The following SLC5A1 variants were observed in gnomAD, a reference collection of about 807,000 sequenced individuals.
SLC5A1 encodes sodium/glucose cotransporter 1.
Under a neutral mutation model 73.5 loss-of-function variants are expected in SLC5A1, and 42 were observed. That is an observed-to-expected ratio of 0.57 (90% CI 0.45 to 0.74). The LOEUF (loss-of-function observed/expected upper bound fraction) is 0.74, where lower values mean the gene tolerates loss of function less well. Among genes scored for constraint, SLC5A1 ranks in the 30% least tolerant of loss-of-function variants. SLC5A1 has a pLI of 0.00. For missense variants in SLC5A1, 634 were observed against 855.4 expected, an observed-to-expected ratio of 0.74 and a Z score of 3.23; for synonymous variants, 300 against 317.4, an observed-to-expected ratio of 0.95 and a Z score of 0.58.
chr22:32,068,113 G>A, intron 4 of SLC5A1, 87 bp downstream of exon 4: 2 of 1,300,502 alleles, frequency 1.5e-6, no homozygotes, highest in South Asian at 1.2e-5. Flanking sequence ...GACATTATGG[G>A]ATAAATGGCA....
intron 3 of SLC5A1, among the ~76,000 whole-genome samples, chr22:32,067,255 T>A (rs926513392): frequency 2.0e-5 from 3 of 152,202 alleles, no homozygotes; most frequent in Non-Finnish European, 4.4e-5. Flanking sequence ...AGCAATAGTA[T>A]TTTTTCTGTT....
chr22:32,085,889 C>T (rs1350148315), intron 9 of SLC5A1, among the ~76,000 whole-genome samples: 1 of 152,090 alleles, frequency 6.6e-6, no homozygotes, highest in African/African-American at 2.4e-5. Context: ...CGCCTGTAAT[C>T]CCAGCACTTT....
rs1569305129 is a variant in SLC5A1, at chr22:32,068,495, G to C, written c.373-1G>C. 1 of 1,606,070 alleles carries C rather than the reference G, an allele frequency of 6.2e-7. No individual in the cohort carries two copies. Among genetic ancestry groups the C allele is most frequent in the Non-Finnish European group, 8.5e-7 (1 of 1,172,604 alleles). ...AGTGACCTCCCTCGCACCCCATGCA[G>C]GTGGTGACAATGCCAGAGTACCTGA... On this transcript the variant is annotated splice_acceptor_variant, in intron 4 of 14. Coordinates refer to ENST00000266088, the MANE Select transcript of SLC5A1 (RefSeq NM_000343.4). LOFTEE classifies it high-confidence loss of function.
chr22:32,089,059 C>A (rs5749354), intron 10 of SLC5A1, among the ~76,000 whole-genome samples: 1 of 152,200 alleles, frequency 6.6e-6, no homozygotes. Flanking sequence ...TGAATGGGGT[C>A]TGATAAGAGT....
At chr22:32,090,952 G>A (rs542206044) in intron 10 of SLC5A1, among the ~76,000 whole-genome samples, 1 of 152,130 alleles carries the variant, frequency 6.6e-6, no homozygotes, top group East Asian at 1.9e-4. Flanking sequence ...TGGGTACAAA[G>A]TTATTATCCC....
rs878887440 is a variant in SLC5A1, at chr22:32,110,285, T to C, written c.*72T>C. ...CTTCCTTTAGTCTCGTCCTGTGGTG[T>C]TGAAGGGAAATCAGCCAGTTGTAAA... On this transcript the variant is annotated 3_prime_UTR_variant, in exon 15 of 15. Coordinates refer to ENST00000266088, the MANE Select transcript of SLC5A1 (RefSeq NM_000343.4). 2.3e-5 allele frequency: 29 copies of C among 1,236,344 alleles called. No individual in the cohort carries two copies. Among genetic ancestry groups the C allele is most frequent in the East Asian group, 4.6e-5 (2 of 43,110 alleles). 76.6% of individuals were successfully genotyped at this position (1,236,344 alleles called of 1,614,324 possible). A position where few individuals can be genotyped will look rare whatever the true frequency, so the allele number is the denominator to read the frequency against.
intron 2 of SLC5A1, among the ~76,000 whole-genome samples, chr22:32,060,279 C>A (rs2093960321): frequency 6.6e-6 from 1 of 151,892 alleles, no homozygotes; most frequent in South Asian, 2.1e-4. Context: ...GCAACCTCTG[C>A]CTCCCAGGCT....
chr22:32,081,077 G>C (rs2093999104), intron 5 of SLC5A1, among the ~76,000 whole-genome samples: 1 of 152,092 alleles, frequency 6.6e-6, no homozygotes, highest in Non-Finnish European at 1.5e-5. Context: ...ACATGAACAT[G>C]CATTTGGGGT....
At chr22:32,070,385 G>A (rs1603118260) in intron 5 of SLC5A1, among the ~76,000 whole-genome samples, 1 of 150,944 alleles carries the variant, frequency 6.6e-6, no homozygotes, top group Non-Finnish European at 1.5e-5. Flanking sequence ...CCAGACTGGA[G>A]TGCATGGCAT....
chr22:32,074,481 G>A (rs772046113), intron 5 of SLC5A1, among the ~76,000 whole-genome samples: 5 of 152,090 alleles, frequency 3.3e-5, no homozygotes, highest in South Asian at 2.1e-4. Context: ...CCTTACCCTC[G>A]TCACCCTCCT....
intron 2 of SLC5A1, chr22:32,059,122 C>G (rs2093956344): frequency 3.0e-6 from 3 of 985,412 alleles, no homozygotes; most frequent in Non-Finnish European, 3.6e-6. Context: ...CCTGGAGTGC[C>G]TGAAATTCCT....
At chr22:32,105,671 T>C (rs2094044383) in intron 14 of SLC5A1, among the ~76,000 whole-genome samples, 1 of 152,182 alleles carries the variant, frequency 6.6e-6, no homozygotes, top group African/African-American at 2.4e-5. Context: ...AAATAGTAGG[T>C]TAGTCATTCT....
intron 1 of SLC5A1, among the ~76,000 whole-genome samples, chr22:32,048,577 C>T (rs1408126643): frequency 6.6e-6 from 1 of 152,212 alleles, no homozygotes; most frequent in African/African-American, 2.4e-5. Context: ...CACTGTTCGC[C>T]ATTCTCTCCT....
At chr22:32,044,973 A>G (rs2093935250) in intron 1 of SLC5A1, among the ~76,000 whole-genome samples, 1 of 152,222 alleles carries the variant, frequency 6.6e-6, no homozygotes, top group African/African-American at 2.4e-5. Flanking sequence ...AAGACAGGGA[A>G]GGCCAGAATG....
At chr22:32,046,544 G>A (rs78247456) in intron 1 of SLC5A1, among the ~76,000 whole-genome samples, 4 of 152,084 alleles carry the variant, frequency 2.6e-5, no homozygotes, top group South Asian at 2.1e-4. Context: ...GGGCTCAGAC[G>A]CGATGTCCTG....
At chr22:32,069,679 A>T (rs1434584754) in intron 5 of SLC5A1, among the ~76,000 whole-genome samples, 2 of 152,154 alleles carry the variant, frequency 1.3e-5, no homozygotes, top group African/African-American at 2.4e-5. Flanking sequence ...TTGTCAATTT[A>T]AAAAAGGGGG....
rs144778450 is a variant in SLC5A1 at position 32,101,396 on chromosome 22, A to G, written c.1450-626A>G. Among the ~76,000 whole-genome samples the G allele has an allele frequency of 6.0e-3, 914 of 152,340 alleles. 7 individuals carry two copies. The highest frequency in any genetic ancestry group is 0.021 in the African/African-American group (855 of 41,578). Reference sequence around the variant, plus strand: ...TGTTTCTGGTCTCTTAAAGTCTTCCATATTCTAATATGCAGACCCAAAATT... The same window carrying G: ...TGTTTCTGGTCTCTTAAAGTCTTCCGTATTCTAATATGCAGACCCAAAATT... On this transcript the variant is annotated intron_variant, in intron 12 of 14. Coordinates refer to ENST00000266088, the MANE Select transcript of SLC5A1 (RefSeq NM_000343.4).
rs149149386 is a variant in SLC5A1 at position 32,069,393 on chromosome 22, A to G, written c.477+793A>G. ...TAGCTAATAACAATGTGTTTTGAAAATCAGAGAAAGATTTTAGCTGGGCTT... is the reference window on the plus strand; with the variant it reads ...TAGCTAATAACAATGTGTTTTGAAAGTCAGAGAAAGATTTTAGCTGGGCTT... On this transcript the variant is annotated intron_variant, in intron 5 of 14. Transcript: ENST00000266088. Among the ~76,000 whole-genome samples the G allele has an allele frequency of 2.0e-3, 297 of 152,256 alleles. 2 individuals carry two copies. Among genetic ancestry groups the G allele is most frequent in the Non-Finnish European group, 2.1e-3 (144 of 68,022 alleles).
rs1268498392 is a variant in SLC5A1, at chr22:32,104,819, A to G, written c.1699A>G (p.Lys567Glu). ...TCTGTGTTGGAGCCTGCGCAACAGCAAAGAGGAGCGTATTGACCTGGATGC... is the reference window on the plus strand; with the variant it reads ...TCTGTGTTGGAGCCTGCGCAACAGCGAAGAGGAGCGTATTGACCTGGATGC... The part of the protein sequence containing the change: ...YRLCWSLRNS[K>E]EERIDLDAEE... The change falls in exon 14 of 15, where the codon AAA (lysine) becomes GAA (glutamate). Residue 567 changes from lysine to glutamate, a missense_variant. Physicochemically the swap from Lys to Glu is moderately conservative, Grantham distance 56. Coordinates refer to ENST00000266088, the MANE Select transcript of SLC5A1 (RefSeq NM_000343.4). 1 of 1,614,108 alleles carries G rather than the reference A, an allele frequency of 6.2e-7. No homozygotes were observed. The highest frequency in any genetic ancestry group is 1.7e-5 in the Admixed American group (1 of 59,996).
Sources: allele counts gnomAD v4.1 joint callset (sites outside exome capture counted in the v4.1 genomes callset), GRCh38; gene constraint gnomAD v4.1.1; transcripts MANE v1.5; gene names NCBI Gene and HGNC (gene_info 2026-07-23, HGNC 2026-07-21).